The following IRAK3 variants were observed in gnomAD, a reference collection of about 807,000 sequenced individuals.
IRAK3 encodes interleukin 1 receptor associated kinase 3.
A neutral mutation model predicts 56.6 loss-of-function variants in IRAK3; 57 were observed. That is an observed-to-expected ratio of 1.01 (90% CI 0.81 to 1.26). The LOEUF (loss-of-function observed/expected upper bound fraction) is 1.26. IRAK3 is among the 50% of genes most tolerant of loss of function. The probability of loss-of-function intolerance (pLI) is 0.00; values close to 1 mark genes in which losing one functional copy is unlikely to be tolerated. For synonymous variants in IRAK3, 258 were observed against 255.7 expected (o/e 1.01, Z -0.09); for missense variants, 703 against 719.0 (o/e 0.98, Z 0.25).
At chr12:66,215,799 C>CGT (rs1384997101) in intron 5 of IRAK3, among the ~76,000 whole-genome samples, 25 of 151,146 alleles carry the variant, frequency 1.7e-4, no homozygotes, top group African/African-American at 6.2e-4. Context: ...CACACACACA[C>CGT]ACACACACAC....
intron 2 of IRAK3, among the ~76,000 whole-genome samples, 188 bp from the exon 3 acceptor site, chr12:66,209,268 A>G (rs1037210110): frequency 1.4e-4 from 21 of 152,226 alleles, no homozygotes; most frequent in Non-Finnish European, 2.9e-5. Flanking sequence ...TTTGTTAATT[A>G]GAAAGCTATT....
At chr12:66,230,993 G>A (rs2052838426) in intron 8 of IRAK3, among the ~76,000 whole-genome samples, 1 of 152,086 alleles carries the variant, frequency 6.6e-6, no homozygotes, top group Non-Finnish European at 1.5e-5. Flanking sequence ...TATCTCCTAG[G>A]GTTAAATGGC....
At chr12:66,245,059 C>G (rs2053013340) in intron 10 of IRAK3, 39 bp from the exon 11 acceptor site, 4 of 1,613,694 alleles carry the variant, frequency 2.5e-6, no homozygotes, top group Non-Finnish European at 3.4e-6. Flanking sequence ...ATTTTTTGAT[C>G]AAGTTCTCTG....
chr12:66,228,328 A>T lies in IRAK3; in HGVS notation c.845A>T (p.His282Leu), dbSNP rs1407163526. 1 of 1,613,980 alleles carries T rather than the reference A, an allele frequency of 6.2e-7. No individual in the cohort carries two copies. The highest frequency in any genetic ancestry group is 1.3e-5 in the African/African-American group (1 of 74,926). Residue 282 changes from histidine to leucine, a missense_variant, in exon 8 of 12, where the codon CAC (histidine) becomes CTC (leucine). Transcript: ENST00000261233. ...ATATCCAAAGCCATTCACTACCTGC[A>T]CAACGTTCAACCATGCTCGGTCATC... ...IGISKAIHYL[H>L]NVQPCSVICG...
chr12:66,240,060 G>A (rs2052950677), intron 8 of IRAK3, among the ~76,000 whole-genome samples: 1 of 152,186 alleles, frequency 6.6e-6, no homozygotes, highest in Non-Finnish European at 1.5e-5. Context: ...GACTTCTAGA[G>A]ACATGCAACC....
intron 8 of IRAK3, chr12:66,235,374 G>C: frequency 5.9e-6 from 6 of 1,013,364 alleles, no homozygotes; most frequent in Non-Finnish European, 7.1e-6. Flanking sequence ...CAAGGAGGGG[G>C]CCGGCCGGGC....
chr12:66,203,740 G>A lies in IRAK3; in HGVS notation c.163G>A (p.Val55Ile), dbSNP rs754932264. The change falls in exon 2 of 12, where the codon GTT (valine) becomes ATT (isoleucine). Residue 55 changes from valine to isoleucine, a missense_variant. Coordinates refer to ENST00000261233, the MANE Select transcript of IRAK3 (RefSeq NM_007199.3). Reference sequence around the variant, plus strand: ...GAGACTTTCAAGCAGCTGGCTGGATGTTCGTCATATTGAAAAGTATGTAGA... The same window carrying A: ...GAGACTTTCAAGCAGCTGGCTGGATATTCGTCATATTGAAAAGTATGTAGA... The part of the protein sequence containing the change: ...AERLSSSWLD[V>I]RHIEKYVDQG... 6 of 1,614,114 alleles carry A rather than the reference G, an allele frequency of 3.7e-6. No individual in the cohort carries two copies. The South Asian group carries it at 6.6e-5, about 18-fold the overall frequency.
Position 66,239,886 on chromosome 12 carries a change from T to C in IRAK3, c.888-4600T>C, listed in dbSNP as rs117820694. ...CACGGTACATGCCAGTTTTTTTCTG[T>C]CTCTCCATTGTCTTAAAATGTCTGG... On this transcript the variant is annotated intron_variant, in intron 8 of 11. Coordinates refer to ENST00000261233, the MANE Select transcript of IRAK3 (RefSeq NM_007199.3). Among the ~76,000 whole-genome samples the C allele has an allele frequency of 5.2e-3, 791 of 152,322 alleles. 2 individuals are homozygous for C. The highest frequency in any genetic ancestry group is 7.6e-3 in the Non-Finnish European group (518 of 68,028).
chr12:66,241,245 T>C (rs952713398), intron 8 of IRAK3, among the ~76,000 whole-genome samples: 11 of 152,182 alleles, frequency 7.2e-5, no homozygotes, highest in African/African-American at 1.2e-4. Flanking sequence ...GCCTCTCTGT[T>C]AAGGTAAATA....
chr12:66,195,979 C>G (rs2052448329), intron 1 of IRAK3, among the ~76,000 whole-genome samples: 1 of 129,952 alleles, frequency 7.7e-6, no homozygotes, highest in Non-Finnish European at 1.7e-5. Context: ...TTAAAATTGA[C>G]ACCCCCCCCC....
chr12:66,229,057 G>C (rs185816126), intron 8 of IRAK3, among the ~76,000 whole-genome samples: 9 of 152,292 alleles, frequency 5.9e-5, no homozygotes, highest in African/African-American at 1.7e-4. Flanking sequence ...TAAAACTGAA[G>C]TTTAAAGAAA....
intron 1 of IRAK3, among the ~76,000 whole-genome samples, chr12:66,199,131 T>C (rs1205712191): frequency 6.6e-6 from 1 of 152,226 alleles, no homozygotes; most frequent in Non-Finnish European, 1.5e-5. Context: ...TAGAGTTCTC[T>C]TGTTGGAATG....
At chr12:66,228,466 G>C in intron 8 of IRAK3, 96 bp downstream of exon 8, 1 of 843,028 alleles carries the variant, frequency 1.2e-6, no homozygotes, top group Admixed American at 1.7e-5. Flanking sequence ...AGTTCTCCTG[G>C]TATGTATGTG....
rs924412768 is a variant in IRAK3, at chr12:66,190,916, C to T, written c.133+1484C>T. On this transcript the variant is annotated intron_variant, in intron 1 of 11. Coordinates refer to ENST00000261233, the MANE Select transcript of IRAK3 (RefSeq NM_007199.3). Reference sequence around the variant, plus strand: ...TTTCTGGCCACATCTAACAGCCTCCCTAAAGTACAGACATTTCTGGCATCA... The same window carrying T: ...TTTCTGGCCACATCTAACAGCCTCCTTAAAGTACAGACATTTCTGGCATCA... Among the ~76,000 whole-genome samples the T allele has an allele frequency of 3.3e-5, 5 of 152,330 alleles. No homozygotes were observed. The South Asian group carries it at 8.3e-4, about 25-fold the overall frequency.
At chr12:66,214,580 G>A (rs555372997) in intron 5 of IRAK3, among the ~76,000 whole-genome samples, 11 of 102,624 alleles carry the variant, frequency 1.1e-4, no homozygotes, top group African/African-American at 2.7e-4. Context: ...CACCAGACTG[G>A]AGGCAGAAAG....
chr12:66,235,301 G>T, intron 8 of IRAK3: 1 of 1,265,512 alleles, frequency 7.9e-7, no homozygotes, highest in Non-Finnish European at 1.0e-6. Context: ...TGCGGGCCGC[G>T]GCGGCGGGCG....
intron 2 of IRAK3, among the ~76,000 whole-genome samples, chr12:66,204,891 T>C (rs1409954168): frequency 2.6e-5 from 4 of 152,216 alleles, no homozygotes; most frequent in African/African-American, 9.6e-5. Flanking sequence ...TTTCCTATTA[T>C]TGGGATATTA....
intron 8 of IRAK3, among the ~76,000 whole-genome samples, chr12:66,239,429 G>T (rs1431145865): frequency 2.6e-5 from 4 of 151,958 alleles, no homozygotes; most frequent in African/African-American, 9.7e-5. Context: ...CCACAGATTG[G>T]CCCCTCCCTG....
chr12:66,227,535 C>A (rs2052798964), intron 7 of IRAK3, among the ~76,000 whole-genome samples: 1 of 151,986 alleles, frequency 6.6e-6, no homozygotes, highest in Non-Finnish European at 1.5e-5. Flanking sequence ...GCCGAGATTG[C>A]ACCATTGCAC....
Sources: allele counts gnomAD v4.1 joint callset (sites outside exome capture counted in the v4.1 genomes callset), GRCh38; gene constraint gnomAD v4.1.1; transcripts MANE v1.5; gene names NCBI Gene and HGNC (gene_info 2026-07-23, HGNC 2026-07-21).